STON1: variants seen among roughly 807,000 people sequenced by gnomAD.
STON1 encodes stonin-1.
Under a neutral mutation model 60.9 loss-of-function variants are expected in STON1, and 79 were observed. The ratio of observed to expected loss-of-function variants is 1.30; its 90% CI spans 1.08 to 1.56. The LOEUF (loss-of-function observed/expected upper bound fraction) is 1.56, where lower values mean the gene tolerates loss of function less well. Among genes scored for constraint, STON1 ranks in the 40% most tolerant of loss-of-function variants. The pLI, the probability that STON1 is intolerant of heterozygous loss-of-function variation, is 0.00. For synonymous variants in STON1, 363 were observed against 306.9 expected, an observed-to-expected ratio of 1.18 and a Z score of -1.91; for missense variants, 1,166 against 858.9, an observed-to-expected ratio of 1.36 and a Z score of -4.47.
At chr2:48,562,399 C>T (rs1395327445) in intron 1 of STON1, among the ~76,000 whole-genome samples, 3 of 152,172 alleles carry the variant, frequency 2.0e-5, no homozygotes, top group East Asian at 3.9e-4. Context: ...GCTCAGGGAT[C>T]CTAGGCTTGT....
intron 1 of STON1, among the ~76,000 whole-genome samples, chr2:48,536,513 A>G (rs1423118924): frequency 6.8e-6 from 1 of 147,194 alleles, no homozygotes; most frequent in Non-Finnish European, 1.5e-5. Flanking sequence ...GTGCCATTGC[A>G]CTCCAGCCTG....
chr2:48,550,149 C>T (rs1414166273), intron 1 of STON1, among the ~76,000 whole-genome samples: 1 of 152,006 alleles, frequency 6.6e-6, no homozygotes, highest in East Asian at 1.9e-4. Flanking sequence ...TTAGGTTATT[C>T]AGTCATTTAT....
chr2:48,573,706 A>G (rs1673333351), intron 1 of STON1, among the ~76,000 whole-genome samples: 1 of 152,390 alleles, frequency 6.6e-6, no homozygotes, highest in Middle Eastern at 3.4e-3. Flanking sequence ...AAAGGATCAC[A>G]CGAAACTTAT....
In STON1 at chr2:48,564,416, CTT is replaced by C. The variant is rs1672747661; in HGVS notation, c.-47-16170_-47-16169del. The stretch of plus-strand genomic sequence containing the variant: ...GTGGCAGTGGCGGTGTCTTCTTCTT[CTT>C]CTTCTTCTTCTTCTTCTTCTTCTTC... On this transcript the variant is annotated intron_variant, in intron 1 of 3. Coordinates refer to ENST00000404752, the MANE Select transcript of STON1 (RefSeq NM_006873.4). 3.7e-3 allele frequency among the ~76,000 whole-genome samples: 179 copies of C among 48,954 alleles called. 3 individuals carry two copies. The highest frequency in any genetic ancestry group is 0.012 in the African/African-American group (166 of 13,920). 32.1% of individuals were successfully genotyped at this position (48,954 alleles called of 152,430 possible). A position where few individuals can be genotyped will look rare whatever the true frequency, so the allele number is the denominator to read the frequency against.
chr2:48,565,400 C>T (rs1004463478), intron 1 of STON1, among the ~76,000 whole-genome samples: 1 of 151,758 alleles, frequency 6.6e-6, no homozygotes, highest in Admixed American at 6.6e-5. Flanking sequence ...GCTCTACACT[C>T]ATGACCTCAT....
At chr2:48,559,795 G>A (rs940974060) in intron 1 of STON1, among the ~76,000 whole-genome samples, 11 of 152,088 alleles carry the variant, frequency 7.2e-5, no homozygotes, top group African/African-American at 1.4e-4. Context: ...CAGCACTTAG[G>A]GGATGTGGTC....
chr2:48,548,128 A>G (rs1378800522), intron 1 of STON1, among the ~76,000 whole-genome samples: 1 of 152,240 alleles, frequency 6.6e-6, no homozygotes, highest in Non-Finnish European at 1.5e-5. Flanking sequence ...ATGGGACCTC[A>G]TGTGCCAGGA....
chr2:48,591,542 C>T (rs760457244), intron 2 of STON1, 111 bp from the exon 3 acceptor site: 4 of 1,420,546 alleles, frequency 2.8e-6, no homozygotes, highest in East Asian at 4.6e-5. Flanking sequence ...TGCACTGCTG[C>T]AGTGCTAATG....
intron 1 of STON1, among the ~76,000 whole-genome samples, chr2:48,564,736 T>TC (rs1411716072): frequency 6.4e-5 from 9 of 141,246 alleles, no homozygotes; most frequent in African/African-American, 2.1e-4. Context: ...TTTCTTTCTT[T>TC]TTTTTTTTTT....
intron 1 of STON1, among the ~76,000 whole-genome samples, chr2:48,553,961 G>A (rs1572939776): frequency 6.6e-6 from 1 of 152,248 alleles, no homozygotes; most frequent in African/African-American, 2.4e-5. Flanking sequence ...TAGCTGTGGG[G>A]ACTTCACCCA....
intron 1 of STON1, among the ~76,000 whole-genome samples, chr2:48,532,651 A>T (rs548165240): frequency 1.3e-5 from 2 of 151,902 alleles, no homozygotes; most frequent in African/African-American, 4.8e-5. Context: ...GCACTATCTC[A>T]TGAAATATTG....
intron 1 of STON1, chr2:48,531,803 C>T (rs895822352): frequency 3.3e-5 from 5 of 152,096 alleles, no homozygotes; most frequent in African/African-American, 1.2e-4. Flanking sequence ...ATTCCTGTTT[C>T]CATACAAACA....
intron 1 of STON1, among the ~76,000 whole-genome samples, chr2:48,548,400 C>A (rs576403305): frequency 6.6e-6 from 1 of 152,316 alleles, no homozygotes; most frequent in Non-Finnish European, 1.5e-5. Flanking sequence ...CTGGGAACTT[C>A]CATGGCATTC....
At chr2:48,566,472 G>A (rs1034294385) in intron 1 of STON1, among the ~76,000 whole-genome samples, 1 of 151,492 alleles carries the variant, frequency 6.6e-6, no homozygotes, top group Non-Finnish European at 1.5e-5. Flanking sequence ...TAGTAGAGAC[G>A]GGGTTTCACC....
intron 1 of STON1, among the ~76,000 whole-genome samples, chr2:48,538,137 T>G (rs1421741214): frequency 6.6e-6 from 1 of 151,976 alleles, no homozygotes; most frequent in East Asian, 1.9e-4. Context: ...TTTTGTATTT[T>G]TAGTAGAGAT....
At chr2:48,531,183 C>A (rs559803194) in intron 1 of STON1, 1 of 152,202 alleles carries the variant, frequency 6.6e-6, no homozygotes, top group Non-Finnish European at 1.5e-5. Context: ...ATTACAGCCT[C>A]CTCCAGGCTA....
At chr2:48,564,563 T>TCTTCTTCTTCTTCTC (rs1558605607) in intron 1 of STON1, among the ~76,000 whole-genome samples, 1 of 28,376 alleles carries the variant, frequency 3.5e-5, no homozygotes, top group African/African-American at 1.7e-4. Context: ...TTCTTCTTCT[T>TCTTCTTCTTCTTCTC]CTTCTCCTTC....
chr2:48,558,181 C>T (rs1013162612), intron 1 of STON1, among the ~76,000 whole-genome samples: 1 of 152,214 alleles, frequency 6.6e-6, no homozygotes, highest in African/African-American at 2.4e-5. Flanking sequence ...CAAGATCGCA[C>T]CATTGCACTT....
At chr2:48,574,888 C>G (rs904938386) in intron 1 of STON1, among the ~76,000 whole-genome samples, 2 of 152,228 alleles carry the variant, frequency 1.3e-5, no homozygotes, top group Non-Finnish European at 2.9e-5. Flanking sequence ...AACAGGAAAT[C>G]TACTCTTTTA....
Sources: allele counts gnomAD v4.1 joint callset (sites outside exome capture counted in the v4.1 genomes callset), GRCh38; gene constraint gnomAD v4.1.1; transcripts MANE v1.5; gene names NCBI Gene and HGNC (gene_info 2026-07-23, HGNC 2026-07-21).